The following OGDH variants were observed in gnomAD, a reference collection of about 807,000 sequenced individuals.
OGDH encodes 2-oxoglutarate dehydrogenase complex component E1.
Under a neutral mutation model 116.6 loss-of-function variants are expected in OGDH, and 38 were observed. The ratio of observed to expected loss-of-function variants is 0.33; its 90% CI spans 0.25 to 0.43. The LOEUF is 0.43. OGDH is among the 20% of genes least tolerant of loss of function. OGDH has a pLI of 1.00. For missense variants in OGDH, 825 were observed against 1,357.2 expected (o/e 0.61, Z 6.16); for synonymous variants, 488 against 533.3 (o/e 0.92, Z 1.17).
chr7:44,631,565 AG>A (rs776741575), intron 2 of OGDH, among the ~76,000 whole-genome samples: 3 of 152,238 alleles, frequency 2.0e-5, no homozygotes, highest in Non-Finnish European at 4.4e-5. Context: ...ACTTTAGCAC[AG>A]TATTTCACTC....
chr7:44,679,024 C>A (rs868186137), intron 9 of OGDH, among the ~76,000 whole-genome samples: 3 of 152,284 alleles, frequency 2.0e-5, no homozygotes, highest in Non-Finnish European at 2.9e-5. Context: ...AGGGAGAACC[C>A]GCTCCTGCCA....
In OGDH at chr7:44,707,318, A is replaced by G; in HGVS notation, c.2726A>G (p.Tyr909Cys). Residue 909 changes from tyrosine to cysteine, a missense_variant, in exon 21 of 23, where the codon TAT becomes TGT. Tyr to Cys is a radical substitution (Grantham distance 194). Around this residue, in one of 7 missense-constraint regions of OGDH, gnomAD observed 212 missense variants for 284.3 expected, o/e 0.75. Transcript: ENST00000222673. This position sits in a 1 kb window ranked among gnomAD's most constrained non-coding sequence, Gnocchi z 5.2. ...CTTCTCTTCTGCACCGGCAAAGTGT[A>G]TTATGACCTCACCCGGGAGCGCAAA... is the stretch of plus-strand genomic sequence containing the variant. ...KRLLFCTGKV[Y>C]YDLTRERKAR... 1.2e-6 allele frequency: 2 copies of G among 1,614,256 alleles called. No homozygotes were observed. The highest frequency in any genetic ancestry group is 8.5e-7 in the Non-Finnish European group (1 of 1,180,044).
At chr7:44,628,841 C>CT in intron 2 of OGDH, among the ~76,000 whole-genome samples, 1 of 151,860 alleles carries the variant, frequency 6.6e-6, no homozygotes, top group Non-Finnish European at 1.5e-5. Flanking sequence ...CTGCAAGTAC[C>CT]TTTTTTACCC....
Position 44,697,449 on chromosome 7 carries a change from GCC to G in OGDH, c.2135_2136del (p.Pro712LeufsTer10). On this transcript the variant is annotated frameshift_variant, in exon 16 of 23. Transcript: ENST00000222673. LOFTEE classifies it high-confidence loss of function. The surrounding 1 kb of genome is among the most constrained non-coding windows in gnomAD (Gnocchi z 6.0). ...IPMNHLWPNQ[A>X]PYTVCNSSLS... ...CATGAACCATCTCTGGCCCAATCAG[GCC>G]CCCTATACTGTGTGCAACAGCTCAC... 1 of 1,614,130 alleles carries G rather than the reference GCC, an allele frequency of 6.2e-7. No individual in the cohort carries two copies. The highest frequency in any genetic ancestry group is 2.2e-5 in the East Asian group (1 of 44,878).
chr7:44,667,412 G>C (rs1172552288), intron 5 of OGDH, among the ~76,000 whole-genome samples: 1 of 152,168 alleles, frequency 6.6e-6, no homozygotes, highest in Non-Finnish European at 1.5e-5. Context: ...AACCCTGAGG[G>C]ACAGGCCTCA....
intron 2 of OGDH, among the ~76,000 whole-genome samples, chr7:44,627,365 A>G (rs933277727): frequency 6.6e-6 from 1 of 152,238 alleles, no homozygotes; most frequent in Non-Finnish European, 1.5e-5. Context: ...CACCCATGAA[A>G]GTTTAGGATC....
chr7:44,624,571 G>C lies in OGDH; in HGVS notation c.222+6G>C. 1.2e-6 allele frequency: 2 copies of C among 1,611,394 alleles called. No homozygotes were observed. The highest frequency in any genetic ancestry group is 1.7e-6 in the Non-Finnish European group (2 of 1,178,700). On this transcript the variant is annotated splice_donor_region_variant and intron_variant, in intron 2 of 22. Coordinates refer to ENST00000222673, the MANE Select transcript of OGDH (RefSeq NM_002541.4). ...ACCCCAAAAGTGTACATAAGGTAAG[G>C]CTCGCAGGGCTGTGGGTCTGCCTCA... is the stretch of plus-strand genomic sequence containing the variant.
At chr7:44,669,563 C>T (rs1392728320) in intron 5 of OGDH, among the ~76,000 whole-genome samples, 1 of 152,052 alleles carries the variant, frequency 6.6e-6, no homozygotes, top group Non-Finnish European at 1.5e-5. Flanking sequence ...ACCTTCCTTC[C>T]CAGAGAGCAT....
chr7:44,679,485 A>G (rs1787837456), intron 9 of OGDH, among the ~76,000 whole-genome samples: 1 of 152,172 alleles, frequency 6.6e-6, no homozygotes, highest in Non-Finnish European at 1.5e-5. Context: ...CTGACACACA[A>G]ATCATGGGTC....
At chr7:44,642,996 A>G (rs1786017202) in intron 2 of OGDH, among the ~76,000 whole-genome samples, 1 of 151,648 alleles carries the variant, frequency 6.6e-6, no homozygotes, top group African/African-American at 2.4e-5. Context: ...GGTGACTCAC[A>G]ACTGGATTCC....
intron 1 of OGDH, 28 bp from the exon 2 acceptor site, chr7:44,624,289 T>G: frequency 2.2e-6 from 3 of 1,337,178 alleles, no homozygotes; most frequent in Admixed American, 2.1e-5. Context: ...CCTTTCTTTC[T>G]TGTTTTTTTT....
chr7:44,664,700 G>A (rs1787100894), intron 4 of OGDH, among the ~76,000 whole-genome samples: 1 of 152,126 alleles, frequency 6.6e-6, no homozygotes, highest in Admixed American at 6.5e-5. Flanking sequence ...TGCATATAAT[G>A]TCTAGGATTT....
At chr7:44,626,443 C>CTT (rs1368292943) in intron 2 of OGDH, among the ~76,000 whole-genome samples, 2 of 152,116 alleles carry the variant, frequency 1.3e-5, no homozygotes, top group African/African-American at 2.4e-5. Flanking sequence ...CAGGCCTATT[C>CTT]TTTTGCCTTC....
At chr7:44,656,185 C>A in intron 4 of OGDH, 1 of 778,648 alleles carries the variant, frequency 1.3e-6, no homozygotes, top group Non-Finnish European at 2.1e-6. Flanking sequence ...TGTGTGTGTC[C>A]CTGTGATGGT....
chr7:44,630,583 G>C (rs1036354034), intron 2 of OGDH, among the ~76,000 whole-genome samples: 8 of 152,138 alleles, frequency 5.3e-5, no homozygotes, highest in Non-Finnish European at 8.8e-5. Flanking sequence ...TATCTGTGGG[G>C]GATTGGTTCC....
intron 18 of OGDH, among the ~76,000 whole-genome samples, chr7:44,699,595 G>T (rs117387922): frequency 6.6e-6 from 1 of 152,234 alleles, no homozygotes; most frequent in Non-Finnish European, 1.5e-5. Context: ...TCTCCTCCAG[G>T]GTATGAGGCT....
At chr7:44,650,033 C>T (rs1259487804) in intron 4 of OGDH, among the ~76,000 whole-genome samples, 1 of 152,076 alleles carries the variant, frequency 6.6e-6, no homozygotes, top group African/African-American at 2.4e-5. Context: ...ACATCTCTGG[C>T]CAGGAGCCCT....
At chr7:44,649,035 G>A (rs2115827625) in intron 4 of OGDH, among the ~76,000 whole-genome samples, 1 of 152,072 alleles carries the variant, frequency 6.6e-6, no homozygotes, top group African/African-American at 2.4e-5. Context: ...ATCACAGCCT[G>A]TCTGCCCTGT....
chr7:44,655,892 A>G (rs1786669860), intron 4 of OGDH, among the ~76,000 whole-genome samples: 1 of 152,212 alleles, frequency 6.6e-6, no homozygotes, highest in Non-Finnish European at 1.5e-5. Context: ...ACCTGAATCT[A>G]GTGCTGAGAA....
Sources: gnomAD v4.1 joint callset for allele counts (sites outside exome capture counted in the v4.1 genomes callset) on GRCh38, gnomAD v4.1.1 for gene constraint, gnomAD v4.1.1 regional missense constraint, Gnocchi (gnomAD v3.1) non-coding constraint, MANE v1.5 for transcripts, NCBI Gene and HGNC (gene_info 2026-07-23, HGNC 2026-07-21) for gene names.